The following VPS13D variants were observed in gnomAD, a reference collection of about 807,000 sequenced individuals.
VPS13D encodes intermembrane lipid transfer protein VPS13D.
In VPS13D, 187 loss-of-function variants were observed where a neutral mutation model predicts 461.9. That is an observed-to-expected ratio of 0.40 (90% confidence interval 0.36 to 0.46). The LOEUF is 0.46. Among genes scored for constraint, VPS13D ranks in the 20% least tolerant of loss-of-function variants. The pLI is 0.60. For synonymous variants in VPS13D, 1,951 were observed against 1,986.3 expected (o/e 0.98, Z 0.47); for missense variants, 4,711 against 5,364.9 (o/e 0.88, Z 3.81).
rs201616244 is a variant in VPS13D at position 12,395,092 on chromosome 1, AG to A, written c.11635-5085del. 8.2e-4 allele frequency among the ~76,000 whole-genome samples: 125 copies of A among 151,732 alleles called. 2 individuals carry two copies. In the East Asian group the frequency reaches 0.024, roughly 29 times the overall value. ...CGGGACTTTAGGTCTAGAAGCAAACAGGGGTGTTGGGGGTGACTCCTGAGGA... is the reference window on the plus strand; with the variant it reads ...CGGGACTTTAGGTCTAGAAGCAAACAGGGTGTTGGGGGTGACTCCTGAGGA... On this transcript the variant is annotated intron_variant, in intron 60 of 69. Transcript: ENST00000620676.
intron 52 of VPS13D, chr1:12,367,824 G>T (rs1047159592): frequency 6.6e-6 from 1 of 152,198 alleles, no homozygotes; most frequent in South Asian, 2.1e-4. Flanking sequence ...AGCCAGGATG[G>T]TCTCGATCTC....
chr1:12,245,700 A>G (rs1640528786), intron 5 of VPS13D, among the ~76,000 whole-genome samples: 1 of 152,116 alleles, frequency 6.6e-6, no homozygotes, highest in African/African-American at 2.4e-5. Context: ...CCTGCACCCC[A>G]TTCTGGGCAA....
chr1:12,403,171 T>A (rs181421775), intron 62 of VPS13D, among the ~76,000 whole-genome samples: 23 of 152,380 alleles, frequency 1.5e-4, no homozygotes, highest in Admixed American at 1.5e-3. Flanking sequence ...TGCTGCCCAG[T>A]TGGATGTGCA....
chr1:12,373,095 G>GGTTTTTTTTTTTTTTTTTTTTTTTTT (rs1238171794), intron 54 of VPS13D, among the ~76,000 whole-genome samples: 1 of 37,242 alleles, frequency 2.7e-5, no homozygotes, highest in East Asian at 9.3e-4. Flanking sequence ...GTCTGGCTTG[G>GGTTTTTTTTTTTTTTTTTTTTTTTTT]TTTTTTTTTT....
chr1:12,460,915 A>T lies in VPS13D; in HGVS notation c.12662+519A>T, dbSNP rs187740467. Among the ~76,000 whole-genome samples, 253 of 152,110 alleles carry T rather than the reference A, an allele frequency of 1.7e-3. 4 individuals are homozygous for T. Among genetic ancestry groups the T allele is most frequent in the African/African-American group, 5.9e-3 (245 of 41,466 alleles). ...CCTTCCGCTTGAAAGTATCAGCCCC[A>T]ACCCCATAAAGAAAAGTGCCACCCC... On this transcript the variant is annotated intron_variant, in intron 67 of 69. Transcript: ENST00000620676.
rs141871888 is a variant in VPS13D, at chr1:12,495,108, C to G, written c.12663-2392C>G. 4.5e-4 allele frequency among the ~76,000 whole-genome samples: 68 copies of G among 151,506 alleles called. No individual in the cohort carries two copies. The highest frequency in any genetic ancestry group is 1.6e-3 in the African/African-American group (68 of 41,302). On this transcript the variant is annotated intron_variant, in intron 67 of 69. Coordinates refer to ENST00000620676, the MANE Select transcript of VPS13D (RefSeq NM_015378.4). This position sits in a 1 kb window ranked among gnomAD's most constrained non-coding sequence, Gnocchi z 4.0. ...ATGTTTATCCACCTGGGATGGAAAG[C>G]AAATGTGCTTTGAGCAGATGACTGA...
chr1:12,335,662 A>C (rs867223310), intron 38 of VPS13D, 43 bp from the exon 39 acceptor site: 2 of 1,564,882 alleles, frequency 1.3e-6, no homozygotes, highest in Middle Eastern at 3.4e-4. Context: ...CGAACCCTCC[A>C]TCTTTTTTAG....
intron 65 of VPS13D, among the ~76,000 whole-genome samples, chr1:12,424,653 C>T (rs576080863): frequency 6.6e-6 from 1 of 152,222 alleles, no homozygotes; most frequent in East Asian, 1.9e-4. Flanking sequence ...AGCTCAGTAG[C>T]CAGAAGTGAC....
At chr1:12,271,319 T>C (rs1641433526) in intron 17 of VPS13D, among the ~76,000 whole-genome samples, 195 bp downstream of exon 17, 1 of 152,204 alleles carries the variant, frequency 6.6e-6, no homozygotes, top group African/African-American at 2.4e-5. Flanking sequence ...GCTAATAAAA[T>C]GAATGACTGT....
chr1:12,257,820 G>GAC, intron 9 of VPS13D, 115 bp from the exon 10 acceptor site: 1 of 1,277,732 alleles, frequency 7.8e-7, no homozygotes. Context: ...ACTGGTGGCT[G>GAC]ACAAGAGAAA....
rs1642190414 is a variant in VPS13D, at chr1:12,293,547, T to A, written c.5876T>A (p.Leu1959His). ...TFKYGRPDPL[L>H]RREHDIRVSL... ...AGATACGGACGGCCTGACCCTCTGCTCCGGAGAGAACACGACATTCGCGTG... is the reference window on the plus strand; with the variant it reads ...AGATACGGACGGCCTGACCCTCTGCACCGGAGAGAACACGACATTCGCGTG... The change falls in exon 24 of 70, where the codon CTC (leucine) becomes CAC (histidine). Residue 1959 changes from leucine to histidine, a missense_variant. Coordinates refer to ENST00000620676, the MANE Select transcript of VPS13D (RefSeq NM_015378.4). 6.2e-7 allele frequency: 1 copy of A among 1,612,806 alleles called. No homozygotes were observed. Among genetic ancestry groups the A allele is most frequent in the Non-Finnish European group, 8.5e-7 (1 of 1,179,294 alleles).
chr1:12,347,545 C>T (rs367585329), intron 44 of VPS13D, among the ~76,000 whole-genome samples: 2 of 152,030 alleles, frequency 1.3e-5, no homozygotes, highest in African/African-American at 4.8e-5. Flanking sequence ...GCTGGAGCTT[C>T]GATGATGATT....
intron 61 of VPS13D, 44 bp downstream of exon 61, chr1:12,400,374 C>T (rs202218580): frequency 4.7e-5 from 76 of 1,603,954 alleles, no homozygotes; most frequent in Non-Finnish European, 6.1e-5. Flanking sequence ...CATGCTGGAA[C>T]GTTGATTTGT....
intron 67 of VPS13D, among the ~76,000 whole-genome samples, chr1:12,494,767 C>T (rs894890509): frequency 6.6e-6 from 1 of 152,190 alleles, no homozygotes; most frequent in Non-Finnish European, 1.5e-5. Context: ...CAGAGACAGC[C>T]TTGTCCTTTC....
intron 57 of VPS13D, among the ~76,000 whole-genome samples, chr1:12,381,980 TTC>T (rs34633201): frequency 0.016 from 2,052 of 130,616 alleles, 24 homozygotes; most frequent in African/African-American, 0.03. Context: ...CTTTCTTTCT[TTC>T]TCTCTCTCTC....
Position 12,495,886 on chromosome 1 carries a change from C to T in VPS13D, c.12663-1614C>T, listed in dbSNP as rs536972445. Among the ~76,000 whole-genome samples, 4 of 152,288 alleles carry T rather than the reference C, an allele frequency of 2.6e-5. No homozygotes were observed. Among genetic ancestry groups the T allele is most frequent in the Non-Finnish European group, 4.4e-5 (3 of 68,024 alleles). On this transcript the variant is annotated intron_variant, in intron 67 of 69. Transcript: ENST00000620676. This position sits in a 1 kb window ranked among gnomAD's most constrained non-coding sequence, Gnocchi z 4.0. ...AGGAGATAAGAACAGAGCTCTGCTA[C>T]GTGGAGAGGCACGCCAAGCTCCTTC... is the stretch of plus-strand genomic sequence containing the variant.
intron 16 of VPS13D, among the ~76,000 whole-genome samples, chr1:12,270,507 A>G (rs930928956): frequency 2.0e-5 from 3 of 152,148 alleles, no homozygotes; most frequent in Admixed American, 6.5e-5. Flanking sequence ...TTGAAATTCC[A>G]TTTTCTCTTT....
In VPS13D at chr1:12,507,145, T is replaced by C. The variant is rs1343034220; in HGVS notation, c.13035+52T>C. 1.2e-6 allele frequency: 2 copies of C among 1,611,400 alleles called. No homozygotes were observed. Among genetic ancestry groups the C allele is most frequent in the South Asian group, 2.2e-5 (2 of 90,878 alleles). On this transcript the variant is annotated intron_variant, in intron 69 of 69. Coordinates refer to ENST00000620676, the MANE Select transcript of VPS13D (RefSeq NM_015378.4). This position sits in a 1 kb window ranked among gnomAD's most constrained non-coding sequence, Gnocchi z 5.3. ...CTGAGGGGCGGGGCCAGGGCCTCGATGCCTCTGCCCTGCTTCCCCGTCCTC... is the reference window on the plus strand; with the variant it reads ...CTGAGGGGCGGGGCCAGGGCCTCGACGCCTCTGCCCTGCTTCCCCGTCCTC...
intron 5 of VPS13D, among the ~76,000 whole-genome samples, chr1:12,245,751 A>T (rs1453206108): frequency 2.0e-5 from 3 of 152,212 alleles, no homozygotes; most frequent in African/African-American, 4.8e-5. Context: ...ATAATAATTT[A>T]AAAAAGTAGT....
Sources: gnomAD v4.1 joint callset for allele counts (sites outside exome capture counted in the v4.1 genomes callset) on GRCh38, gnomAD v4.1.1 for gene constraint, Gnocchi (gnomAD v3.1) non-coding constraint, MANE v1.5 for transcripts, NCBI Gene and HGNC (gene_info 2026-07-23, HGNC 2026-07-21) for gene names.